Variants in OPTC observed in about 807,000 individuals in gnomAD.
OPTC encodes the protein opticin.
OPTC carries 22 observed loss-of-function variants against 25.4 expected under a neutral mutation model. The observed-to-expected ratio is 0.87, with a 90% CI of 0.62 to 1.24. OPTC has a LOEUF of 1.24. OPTC is among the 50% of genes most tolerant of loss of function. The pLI, the probability that OPTC is intolerant of heterozygous loss-of-function variation, is 0.00. For missense variants in OPTC, 417 were observed against 425.2 expected, an observed-to-expected ratio of 0.98 and a Z score of 0.17; for synonymous variants, 169 against 179.3, an observed-to-expected ratio of 0.94 and a Z score of 0.46.
intron 7 of OPTC, among the ~76,000 whole-genome samples, chr1:203,507,732 A>G (rs1005008410): frequency 7.1e-6 from 1 of 140,780 alleles, no homozygotes; most frequent in African/African-American, 2.6e-5. Flanking sequence ...TGCCTGCCCC[A>G]TTCTCAGCTC....
rs149657301 is a variant in OPTC at position 203,497,056 on chromosome 1, A to G, written c.311A>G (p.Asn104Ser). The G allele has an allele frequency of 7.4e-6, 12 of 1,613,828 alleles. No individual in the cohort carries two copies. Among genetic ancestry groups the G allele is most frequent in the Non-Finnish European group, 1.0e-5 (12 of 1,179,986 alleles). The change falls in exon 3 of 8, where the codon AAC becomes AGC. Residue 104 changes from asparagine to serine, a missense_variant. Transcript: ENST00000367222. ...ACGGCTCCAGGGACACCCTCGTCAA[A>G]CCCCACGATGACCAGACCTACTACA... ...STTAPGTPSS[N>S]PTMTRPTTAG...
chr1:203,497,267 C>A (rs1661296124), intron 3 of OPTC, 152 bp downstream of exon 3: 1 of 796,360 alleles, frequency 1.3e-6, no homozygotes, highest in Non-Finnish European at 2.1e-6. Context: ...GGGGAAATAG[C>A]CACAGTAAGA....
At chr1:203,507,382 T>C (rs4246547) in intron 7 of OPTC, among the ~76,000 whole-genome samples, 27,478 of 152,070 alleles carry the variant, frequency 0.18, 2,767 homozygotes, top group East Asian at 0.32. Flanking sequence ...GCACGGCAGC[T>C]AGCTTGAGGG....
chr1:203,506,197 G>T (rs569449699), intron 7 of OPTC, among the ~76,000 whole-genome samples: 4 of 148,076 alleles, frequency 2.7e-5, no homozygotes, highest in Admixed American at 6.8e-5. Context: ...TGTTGCCCAG[G>T]GGGGAGTGCA....
At chr1:203,505,766 G>T (rs1018051010) in intron 7 of OPTC, among the ~76,000 whole-genome samples, 2 of 152,144 alleles carry the variant, frequency 1.3e-5, no homozygotes, top group South Asian at 4.1e-4. Context: ...CACTCCCAGG[G>T]AATCTAGGAT....
chr1:203,499,888 C>T (rs776286746), intron 5 of OPTC, 37 bp downstream of exon 5: 26 of 1,549,518 alleles, frequency 1.7e-5, no homozygotes, highest in East Asian at 2.2e-5. Context: ...CTATCACCTC[C>T]ACCACCCACC....
chr1:203,502,191 G>A (rs1166440002), intron 5 of OPTC, among the ~76,000 whole-genome samples: 2 of 152,196 alleles, frequency 1.3e-5, no homozygotes, highest in Non-Finnish European at 2.9e-5. Flanking sequence ...GAGCCCTGCT[G>A]AAGGCTTGTC....
At position 203,499,778 on chromosome 1, in the gene OPTC, C is replaced by T; in HGVS notation, c.659C>T (p.Pro220Leu). ...CAGTTGGAAGCTCTGCCCGTGCTGC[C>T]CAGTGGCATTGAGTTCCTGGATGTC... is the stretch of plus-strand genomic sequence containing the variant. Reference protein sequence around the residue: ...ENQLEALPVLPSGIEFLDVRL... With the variant: ...ENQLEALPVLLSGIEFLDVRL... Residue 220 changes from proline (P) to leucine (L), a missense_variant, in exon 5 of 8, where the codon CCC becomes CTC. By Grantham distance (98) the Pro-to-Leu change is moderately conservative. Coordinates refer to ENST00000367222, the MANE Select transcript of OPTC (RefSeq NM_014359.4). 2 of 1,612,838 alleles carry T rather than the reference C, an allele frequency of 1.2e-6. No individual in the cohort carries two copies. The highest frequency in any genetic ancestry group is 1.7e-6 in the Non-Finnish European group (2 of 1,179,876).
intron 7 of OPTC, among the ~76,000 whole-genome samples, chr1:203,506,824 G>C (rs1661498354): frequency 6.6e-6 from 1 of 152,230 alleles, no homozygotes; most frequent in Admixed American, 6.5e-5. Flanking sequence ...CATCCAGCCA[G>C]AGTCTGAAGT....
chr1:203,495,941 C>A (rs1003847091), intron 1 of OPTC, 24 bp from the exon 2 acceptor site: 13 of 1,103,890 alleles, frequency 1.2e-5, no homozygotes, highest in Non-Finnish European at 1.8e-5. Context: ...CAGATCGCTG[C>A]CCTTCCTCGT....
intron 7 of OPTC, among the ~76,000 whole-genome samples, chr1:203,507,708 A>G (rs1661518191): frequency 6.6e-6 from 1 of 151,156 alleles, no homozygotes; most frequent in African/African-American, 2.4e-5. Flanking sequence ...TGAGTTTGCA[A>G]TGACCTCCCC....
chr1:203,499,572 T>G, intron 4 of OPTC, 77 bp from the exon 5 acceptor site: 2 of 1,215,004 alleles, frequency 1.6e-6, no homozygotes, highest in Non-Finnish European at 2.4e-6. Context: ...GAGCAAGGTG[T>G]GGAGACAGCT....
chr1:203,495,484 C>A (rs1381000264), intron 1 of OPTC, among the ~76,000 whole-genome samples: 2 of 152,174 alleles, frequency 1.3e-5, no homozygotes, highest in South Asian at 2.1e-4. Flanking sequence ...CCACTGCACT[C>A]CAGCCCGGGA....
chr1:203,503,818 G>A (rs1661433567), intron 7 of OPTC, 73 bp downstream of exon 7: 10 of 1,321,100 alleles, frequency 7.6e-6, no homozygotes, highest in Non-Finnish European at 1.1e-5. Flanking sequence ...TTTAAACGGT[G>A]ATCTTTAGCC....
rs1359803878 is a variant in OPTC, at chr1:203,499,812, T to A, written c.693T>A (p.Asn231Lys). ...TTGAGTTCCTGGATGTCCGCCTAAA[T>A]CGGCTCCAGAGCTCGGGGATACAGC... ...SGIEFLDVRL[N>K]RLQSSGIQPA... is the part of the protein sequence containing the mutation. The change falls in exon 5 of 8, where the codon AAT (asparagine) becomes AAA (lysine). Residue 231 changes from asparagine to lysine, a missense_variant. Physicochemically the swap from Asn to Lys is moderately conservative, Grantham distance 94 (BLOSUM62 0). Coordinates refer to ENST00000367222, the MANE Select transcript of OPTC (RefSeq NM_014359.4). 6.2e-7 allele frequency: 1 copy of A among 1,612,510 alleles called. No homozygotes were observed. The highest frequency in any genetic ancestry group is 2.2e-5 in the East Asian group (1 of 44,864).
chr1:203,495,047 C>A (rs1392722172), intron 1 of OPTC, among the ~76,000 whole-genome samples: 2 of 152,156 alleles, frequency 1.3e-5, no homozygotes, highest in Non-Finnish European at 2.9e-5. Flanking sequence ...AACTAACATT[C>A]TTTTTTACAT....
chr1:203,498,988 C>G (rs553373721), intron 4 of OPTC, 149 bp downstream of exon 4: 2 of 864,720 alleles, frequency 2.3e-6, no homozygotes, highest in Non-Finnish European at 3.7e-6. Context: ...GGAAATAGCC[C>G]GAAGTCTCTA....
intron 3 of OPTC, 75 bp from the exon 4 acceptor site, chr1:203,498,606 C>T: frequency 6.3e-7 from 1 of 1,577,912 alleles, no homozygotes; most frequent in Middle Eastern, 1.7e-4. Flanking sequence ...ATGGTTCAGA[C>T]ACTCCCTGGG....
At chr1:203,504,274 AATC>A (rs1310447895) in intron 7 of OPTC, among the ~76,000 whole-genome samples, 2 of 152,244 alleles carry the variant, frequency 1.3e-5, no homozygotes, top group Non-Finnish European at 1.5e-5. Context: ...ATTATTCAAA[AATC>A]ATCATTTTCA....
Sources: allele counts gnomAD v4.1 joint callset (sites outside exome capture counted in the v4.1 genomes callset), GRCh38; gene constraint gnomAD v4.1.1; transcripts MANE v1.5; gene names NCBI Gene and HGNC (gene_info 2026-07-23, HGNC 2026-07-21).